PLBD1: variants seen among roughly 807,000 people sequenced by gnomAD.
PLBD1 encodes the protein phospholipase B domain containing 1, also known as lysosomal leucine aminopeptidase.
PLBD1 carries 60 observed loss-of-function variants against 63.0 expected under a neutral mutation model. The ratio of observed to expected loss-of-function variants is 0.95; its 90% CI spans 0.77 to 1.18. The LOEUF is 1.18. PLBD1 is among the 50% of genes most tolerant of loss of function. The probability of loss-of-function intolerance (pLI) is 0.00; values close to 1 mark genes in which losing one functional copy is unlikely to be tolerated. For missense variants in PLBD1, 598 were observed against 677.9 expected (o/e 0.88, Z 1.31); for synonymous variants, 262 against 248.0 (o/e 1.06, Z -0.53).
chr12:14,522,857 AT>A (rs1945387638), intron 6 of PLBD1, among the ~76,000 whole-genome samples: 1 of 152,156 alleles, frequency 6.6e-6, no homozygotes, highest in African/African-American at 2.4e-5. Flanking sequence ...TATACAAGAA[AT>A]GTAACTCAAC....
At chr12:14,563,287 G>C (rs1945755750) in intron 1 of PLBD1, among the ~76,000 whole-genome samples, 1 of 152,064 alleles carries the variant, frequency 6.6e-6, no homozygotes, top group Non-Finnish European at 1.5e-5. Context: ...CGGGAGGCCA[G>C]GGCAGGCGAT....
At chr12:14,524,024 A>G (rs1945397627) in intron 6 of PLBD1, among the ~76,000 whole-genome samples, 1 of 152,114 alleles carries the variant, frequency 6.6e-6, no homozygotes, top group African/African-American at 2.4e-5. Context: ...ATGAGCCCTG[A>G]GGGCATTATG....
At chr12:14,544,798 C>G in intron 2 of PLBD1, among the ~76,000 whole-genome samples, 1 of 152,080 alleles carries the variant, frequency 6.6e-6, no homozygotes, top group Non-Finnish European at 1.5e-5. Context: ...TTTAAAAAAT[C>G]ATCTTCTTAC....
chr12:14,503,677 A>G lies in PLBD1; in HGVS notation c.*95T>C. ...AGTGGGAAATGAAAGTGACAAATTA[A>G]TATATTTTATTGCATAATTCTGATG... is the stretch of plus-strand genomic sequence containing the variant. On this transcript the variant is annotated 3_prime_UTR_variant, in exon 11 of 11. Coordinates refer to ENST00000240617, the MANE Select transcript of PLBD1 (RefSeq NM_024829.6). The G allele has an allele frequency of 3.3e-6, 4 of 1,210,586 alleles. No homozygotes were observed. In the South Asian group the frequency reaches 4.5e-5, roughly 13 times the overall value. The allele number at this position is 1,210,586 out of a possible 1,614,324, so 75.0% of individuals were successfully genotyped here. A position where few individuals can be genotyped will look rare whatever the true frequency, so the allele number is the denominator to read the frequency against.
chr12:14,539,432 A>T, intron 4 of PLBD1, among the ~76,000 whole-genome samples: 1 of 151,630 alleles, frequency 6.6e-6, no homozygotes. Context: ...TTTATCATCT[A>T]TATATATTTT....
chr12:14,516,834 T>C (rs1420756424), intron 6 of PLBD1, among the ~76,000 whole-genome samples: 1 of 151,678 alleles, frequency 6.6e-6, no homozygotes, highest in African/African-American at 2.4e-5. Flanking sequence ...AGTTCAGGAG[T>C]TCGAGATTAG....
chr12:14,536,860 G>T, intron 4 of PLBD1, 150 bp from the exon 5 acceptor site: 3 of 987,004 alleles, frequency 3.0e-6, no homozygotes. Context: ...AGGCCAACGC[G>T]GGTGGATCTC....
chr12:14,527,052 G>A (rs955934581), intron 6 of PLBD1, among the ~76,000 whole-genome samples: 2 of 152,218 alleles, frequency 1.3e-5, no homozygotes, highest in African/African-American at 4.8e-5. Flanking sequence ...TTATGGGGAA[G>A]TGATGAGGTT....
chr12:14,531,277 T>A (rs1372063900), intron 6 of PLBD1: 2 of 152,218 alleles, frequency 1.3e-5, no homozygotes, highest in Non-Finnish European at 2.9e-5. Context: ...TTTTTTGTTA[T>A]GAGAAAAAGG....
chr12:14,511,715 CA>C lies in PLBD1; in HGVS notation c.845-5del, dbSNP rs1431448791. On this transcript the variant is annotated splice_polypyrimidine_tract_variant and splice_region_variant and intron_variant, in intron 6 of 10. Transcript: ENST00000240617. The stretch of plus-strand genomic sequence containing the variant: ...TCATCCAGAGACTCCAAAAACCCTA[CA>C]GGAAAGACAAATATACACATCAGCA... 4 of 1,612,660 alleles carry C rather than the reference CA, an allele frequency of 2.5e-6. No homozygotes were observed. Among genetic ancestry groups the C allele is most frequent in the Non-Finnish European group, 3.4e-6 (4 of 1,178,850 alleles).
At chr12:14,529,669 T>C (rs1363747701) in intron 6 of PLBD1, among the ~76,000 whole-genome samples, 1 of 152,198 alleles carries the variant, frequency 6.6e-6, no homozygotes, top group Non-Finnish European at 1.5e-5. Flanking sequence ...GTTAACATCA[T>C]ACTTAATGGT....
At chr12:14,560,805 G>A (rs1371040146) in intron 1 of PLBD1, among the ~76,000 whole-genome samples, 3 of 152,156 alleles carry the variant, frequency 2.0e-5, no homozygotes, top group Non-Finnish European at 4.4e-5. Flanking sequence ...GGTGGGCTGG[G>A]AGAGTGAAAG....
intron 6 of PLBD1, among the ~76,000 whole-genome samples, chr12:14,513,471 C>G (rs1333672897): frequency 6.6e-6 from 1 of 152,158 alleles, no homozygotes; most frequent in Non-Finnish European, 1.5e-5. Context: ...ACCCCACCAG[C>G]CCTATGCATG....
chr12:14,506,461 G>A (rs1003699886), intron 9 of PLBD1, among the ~76,000 whole-genome samples, 193 bp from the exon 10 acceptor site: 22 of 152,194 alleles, frequency 1.4e-4, no homozygotes, highest in African/African-American at 4.8e-4. Flanking sequence ...TTGGCCCCAG[G>A]CCCAGCCTGC....
chr12:14,543,594 G>A (rs1413592351), intron 2 of PLBD1, among the ~76,000 whole-genome samples: 3 of 151,888 alleles, frequency 2.0e-5, no homozygotes, highest in Admixed American at 6.6e-5. Context: ...CCCTGGAGGC[G>A]TGCACCTGTA....
intron 6 of PLBD1, among the ~76,000 whole-genome samples, chr12:14,520,624 G>A (rs2136910958): frequency 6.6e-6 from 1 of 152,322 alleles, no homozygotes; most frequent in South Asian, 2.1e-4. Context: ...TTCCGAAGGA[G>A]TACAATAAGG....
At chr12:14,549,986 A>C (rs1312533082) in intron 2 of PLBD1, among the ~76,000 whole-genome samples, 1 of 152,146 alleles carries the variant, frequency 6.6e-6, no homozygotes, top group Non-Finnish European at 1.5e-5. Flanking sequence ...CTCCTTGTAA[A>C]TGCAACTTAC....
At chr12:14,531,528 T>G (rs1945461679) in intron 6 of PLBD1, among the ~76,000 whole-genome samples, 1 of 152,222 alleles carries the variant, frequency 6.6e-6, no homozygotes, top group Non-Finnish European at 1.5e-5. Flanking sequence ...ATAATTTGTT[T>G]TATGGTTACT....
chr12:14,548,457 CAAAAAAA>C (rs56119793), intron 2 of PLBD1, among the ~76,000 whole-genome samples: 1 of 68,336 alleles, frequency 1.5e-5, no homozygotes, highest in Non-Finnish European at 2.8e-5. Context: ...ACTCCATCTC[CAAAAAAA>C]AAAAAAAAAA....
Sources: gnomAD v4.1 joint callset for allele counts (sites outside exome capture counted in the v4.1 genomes callset) on GRCh38, gnomAD v4.1.1 for gene constraint, MANE v1.5 for transcripts, NCBI Gene and HGNC (gene_info 2026-07-23, HGNC 2026-07-21) for gene names.